Variants in SORCS2 observed in about 807,000 individuals in gnomAD.
The protein encoded by SORCS2 is VPS10 domain-containing receptor SorCS2.
SORCS2 carries 100 observed loss-of-function variants against 141.6 expected under a neutral mutation model. The ratio of observed to expected loss-of-function variants is 0.71; its 90% CI spans 0.60 to 0.83. The LOEUF is 0.83. SORCS2 is among the 40% of genes least tolerant of loss of function. The pLI, the probability that SORCS2 is intolerant of heterozygous loss-of-function variation, is 0.00. For missense variants in SORCS2, 1,646 were observed against 1,560.2 expected, an observed-to-expected ratio of 1.05 and a Z score of -0.93; for synonymous variants, 789 against 676.9, an observed-to-expected ratio of 1.17 and a Z score of -2.57.
chr4:7,531,232 G>A (rs973229195), intron 2 of SORCS2, among the ~76,000 whole-genome samples: 2 of 152,232 alleles, frequency 1.3e-5, no homozygotes, highest in Non-Finnish European at 2.9e-5. Context: ...CCGGCTCATA[G>A]GAGGCATGGG....
At chr4:7,639,435 TGTAA>T (rs1166034864) in intron 4 of SORCS2, among the ~76,000 whole-genome samples, 6 of 151,966 alleles carry the variant, frequency 3.9e-5, no homozygotes, top group East Asian at 3.9e-4. Flanking sequence ...TATGCACACT[TGTAA>T]GTGTGTGAGT....
At position 7,250,712 on chromosome 4, in the gene SORCS2, G is replaced by A. The variant is rs116949990; in HGVS notation, c.480+57586G>A. 4.5e-4 allele frequency among the ~76,000 whole-genome samples: 68 copies of A among 152,390 alleles called. No individual in the cohort carries two copies. In the East Asian group the frequency reaches 0.011, roughly 25 times the overall value. Reference sequence around the variant, plus strand: ...GCGAGGTGTCAGGGTACAAAGAGGCGAGGCCGAGGAACAGCTGGGCAGGCA... The same window carrying A: ...GCGAGGTGTCAGGGTACAAAGAGGCAAGGCCGAGGAACAGCTGGGCAGGCA... On this transcript the variant is annotated intron_variant, in intron 1 of 26. Transcript: ENST00000507866.
At chr4:7,332,607 G>A (rs1719722851) in intron 1 of SORCS2, among the ~76,000 whole-genome samples, 1 of 152,220 alleles carries the variant, frequency 6.6e-6, no homozygotes, top group African/African-American at 2.4e-5. Context: ...AGCATATGAG[G>A]GGTGCTCACC....
intron 2 of SORCS2, among the ~76,000 whole-genome samples, chr4:7,527,169 G>A (rs1291174267): frequency 1.3e-5 from 2 of 152,148 alleles, no homozygotes; most frequent in African/African-American, 4.8e-5. Flanking sequence ...CACTGCTCCC[G>A]AACCAGCTCC....
intron 3 of SORCS2, among the ~76,000 whole-genome samples, chr4:7,620,814 G>T (rs1012396353): frequency 6.6e-6 from 1 of 152,190 alleles, no homozygotes; most frequent in Non-Finnish European, 1.5e-5. Flanking sequence ...GTCTCACGGT[G>T]GGGGGTCTCC....
intron 5 of SORCS2, among the ~76,000 whole-genome samples, chr4:7,655,939 CA>C (rs1418726527): frequency 1.3e-5 from 2 of 152,326 alleles, no homozygotes; most frequent in East Asian, 3.9e-4. Flanking sequence ...TTATCTCAGG[CA>C]AATCAAATTG....
chr4:7,341,947 A>G (rs537532458), intron 1 of SORCS2, among the ~76,000 whole-genome samples: 1 of 152,290 alleles, frequency 6.6e-6, no homozygotes, highest in African/African-American at 2.4e-5. Flanking sequence ...AGAATCATAT[A>G]TGATGTGGTC....
rs1365549637 is a variant in SORCS2, at chr4:7,201,950, T to C, written c.480+8824T>C. On this transcript the variant is annotated intron_variant, in intron 1 of 26. Transcript: ENST00000507866. The surrounding 1 kb of genome is among the most constrained non-coding windows in gnomAD (Gnocchi z 4.4). ...CTGTAGCTTTGGAAAGGTGAAGGCA[T>C]GTGTTCTGCATTGGTTCACATCCTG... Among the ~76,000 whole-genome samples, 1 of 151,910 alleles carries C rather than the reference T, an allele frequency of 6.6e-6. No homozygotes were observed. The highest frequency in any genetic ancestry group is 1.5e-5 in the Non-Finnish European group (1 of 67,974).
intron 3 of SORCS2, among the ~76,000 whole-genome samples, chr4:7,557,662 C>A (rs1440573727): frequency 6.6e-6 from 1 of 152,188 alleles, no homozygotes; most frequent in Non-Finnish European, 1.5e-5. Context: ...TAAAAAGGAT[C>A]ATTCCTATGT....
At chr4:7,486,000 G>A (rs2109386645) in intron 2 of SORCS2, among the ~76,000 whole-genome samples, 1 of 152,314 alleles carries the variant, frequency 6.6e-6, no homozygotes, top group Middle Eastern at 3.4e-3. Context: ...TCACTGTGGT[G>A]GCCTGTTAGC....
chr4:7,531,157 A>G (rs1711602584), intron 2 of SORCS2, among the ~76,000 whole-genome samples: 1 of 152,242 alleles, frequency 6.6e-6, no homozygotes, highest in Non-Finnish European at 1.5e-5. Flanking sequence ...GATTTCAGGC[A>G]GTGAACTATC....
intron 1 of SORCS2, among the ~76,000 whole-genome samples, chr4:7,304,396 T>A (rs1717644286): frequency 6.6e-6 from 1 of 152,168 alleles, no homozygotes; most frequent in Non-Finnish European, 1.5e-5. Flanking sequence ...CTTTTATGCA[T>A]CATCCACAAG....
chr4:7,232,214 G>A (rs1479541974), intron 1 of SORCS2, among the ~76,000 whole-genome samples: 1 of 152,170 alleles, frequency 6.6e-6, no homozygotes, highest in Non-Finnish European at 1.5e-5. Context: ...GGGAGCAGTG[G>A]GGAGGCCTGG....
intron 1 of SORCS2, among the ~76,000 whole-genome samples, chr4:7,368,272 C>T (rs531660612): frequency 6.6e-6 from 1 of 152,318 alleles, no homozygotes; most frequent in African/African-American, 2.4e-5. Context: ...CAATCCATAG[C>T]AGTGAATTCC....
At chr4:7,374,190 TCTTTCTTTTTTG>T (rs1722481470) in intron 1 of SORCS2, among the ~76,000 whole-genome samples, 1 of 146,764 alleles carries the variant, frequency 6.8e-6, no homozygotes, top group African/African-American at 2.5e-5. Flanking sequence ...TTTCTTTCTT[TCTTTCTTTTTTG>T]CAGAGAGACG....
At position 7,677,002 on chromosome 4, in the gene SORCS2, C is replaced by G. The variant is rs980602186; in HGVS notation, c.1341+773C>G. ...TTCATCTCCTCCTTCCTCTCCCTCT[C>G]TGTGTGTGAAGTTGGCCTCTCTCTC... is the stretch of plus-strand genomic sequence containing the variant. On this transcript the variant is annotated intron_variant, in intron 9 of 26. Transcript: ENST00000507866. Among the ~76,000 whole-genome samples, 11 of 143,882 alleles carry G rather than the reference C, an allele frequency of 7.6e-5. 1 individual carries two copies. Among genetic ancestry groups the G allele is most frequent in the South Asian group, 2.2e-4 (1 of 4,458 alleles). The allele number at this position is 143,882 out of a possible 152,430, so 94.4% of individuals were successfully genotyped here.
At chr4:7,480,642 C>A (rs1206793826) in intron 2 of SORCS2, among the ~76,000 whole-genome samples, 1 of 152,258 alleles carries the variant, frequency 6.6e-6, no homozygotes, top group Non-Finnish European at 1.5e-5. Context: ...ACTGGGATGG[C>A]AGGTGCCCCG....
chr4:7,242,041 C>G (rs999020934), intron 1 of SORCS2, among the ~76,000 whole-genome samples: 2 of 152,168 alleles, frequency 1.3e-5, no homozygotes, highest in African/African-American at 4.8e-5. Flanking sequence ...CTACCTACCT[C>G]TCTGTTATTA....
intron 2 of SORCS2, among the ~76,000 whole-genome samples, chr4:7,402,744 T>C (rs1212524734): frequency 6.6e-6 from 1 of 152,222 alleles, no homozygotes; most frequent in Non-Finnish European, 1.5e-5. Context: ...AGACTTTCCA[T>C]GTTTGCACTC....
Sources: gnomAD v4.1 joint callset for allele counts (sites outside exome capture counted in the v4.1 genomes callset) on GRCh38, gnomAD v4.1.1 for gene constraint, Gnocchi (gnomAD v3.1) non-coding constraint, MANE v1.5 for transcripts, NCBI Gene and HGNC (gene_info 2026-07-23, HGNC 2026-07-21) for gene names.